EDIL3: variants seen among roughly 807,000 people sequenced by gnomAD.
EDIL3 encodes the protein EGF-like repeat and discoidin I-like domain-containing protein 3.
Under a neutral mutation model 67.4 loss-of-function variants are expected in EDIL3, and 37 were observed. The ratio of observed to expected loss-of-function variants is 0.55; its 90% confidence interval spans 0.42 to 0.72. EDIL3 has a LOEUF of 0.72. Among genes scored for constraint, EDIL3 ranks in the 30% least tolerant of loss-of-function variants. The pLI, the probability that EDIL3 is intolerant of heterozygous loss-of-function variation, is 0.00. For synonymous variants in EDIL3, 195 were observed against 196.3 expected (o/e 0.99, Z 0.05); for missense variants, 527 against 586.3 (o/e 0.90, Z 1.04).
At chr5:84,171,566 C>A (rs754146801) in intron 4 of EDIL3, among the ~76,000 whole-genome samples, 3 of 152,150 alleles carry the variant, frequency 2.0e-5, no homozygotes, top group Admixed American at 6.5e-5. Flanking sequence ...TTCTTTTAAT[C>A]ATTTTGGGGT....
chr5:84,256,099 A>G (rs193219937), intron 1 of EDIL3, among the ~76,000 whole-genome samples: 2 of 148,054 alleles, frequency 1.4e-5, no homozygotes, highest in African/African-American at 2.5e-5. Context: ...ACTTGCTATC[A>G]TTTATATACT....
intron 1 of EDIL3, among the ~76,000 whole-genome samples, chr5:84,297,650 G>A (rs899045192): frequency 1.3e-5 from 2 of 152,162 alleles, no homozygotes; most frequent in Admixed American, 6.5e-5. Flanking sequence ...AGAAGCCCCC[G>A]AGCTCTGGGA....
intron 6 of EDIL3, among the ~76,000 whole-genome samples, chr5:84,082,894 G>A (rs1292432505): frequency 1.3e-5 from 2 of 152,106 alleles, no homozygotes; most frequent in Admixed American, 6.6e-5. Context: ...AGACATATTA[G>A]GAGTAAGTTT....
At chr5:84,262,659 G>GTTTTTTTTTTTGTTTTTTTTTTT in intron 1 of EDIL3, among the ~76,000 whole-genome samples, 1 of 46,310 alleles carries the variant, frequency 2.2e-5, no homozygotes, top group Non-Finnish European at 3.6e-5. Context: ...AGGTTGGTTG[G>GTTTTTTTTTTTGTTTTTTTTTTT]TTTTTTTTTT....
intron 9 of EDIL3, among the ~76,000 whole-genome samples, chr5:84,042,993 A>G (rs928689395): frequency 3.3e-5 from 5 of 152,214 alleles, no homozygotes; most frequent in African/African-American, 1.2e-4. Context: ...CAGAGGAGGC[A>G]AAACCAAAGC....
At chr5:83,985,648 A>G (rs1745046627) in intron 9 of EDIL3, among the ~76,000 whole-genome samples, 1 of 152,044 alleles carries the variant, frequency 6.6e-6, no homozygotes, top group Non-Finnish European at 1.5e-5. Flanking sequence ...AAAATAAGTA[A>G]ATTGGCCTTG....
At chr5:84,086,435 G>A (rs1310620855) in intron 6 of EDIL3, among the ~76,000 whole-genome samples, 1 of 152,136 alleles carries the variant, frequency 6.6e-6, no homozygotes, top group African/African-American at 2.4e-5. Context: ...CGCTTTCTGG[G>A]AGAAGCGACG....
intron 9 of EDIL3, among the ~76,000 whole-genome samples, chr5:83,986,770 TAGAC>T (rs928250390): frequency 3.9e-5 from 6 of 152,016 alleles, no homozygotes; most frequent in East Asian, 3.9e-4. Flanking sequence ...TAGTAGGAGT[TAGAC>T]AGTGGAGAAA....
At chr5:83,981,179 C>T (rs1443389668) in intron 9 of EDIL3, among the ~76,000 whole-genome samples, 1 of 151,934 alleles carries the variant, frequency 6.6e-6, no homozygotes, top group Non-Finnish European at 1.5e-5. Context: ...CCCAAATAGC[C>T]AAAACAATCT....
intron 6 of EDIL3, among the ~76,000 whole-genome samples, chr5:84,105,378 C>T (rs1452120107): frequency 6.6e-6 from 1 of 151,952 alleles, no homozygotes; most frequent in Non-Finnish European, 1.5e-5. Context: ...GTTTATGAGA[C>T]ATATAAGAAT....
intron 5 of EDIL3, among the ~76,000 whole-genome samples, chr5:84,132,109 C>G (rs1358858900): frequency 2.0e-5 from 3 of 150,040 alleles, no homozygotes; most frequent in African/African-American, 7.4e-5. Flanking sequence ...GTGGCAGGCA[C>G]CTGTAATCCC....
intron 4 of EDIL3, among the ~76,000 whole-genome samples, chr5:84,151,264 T>TACACACACACACACACACAC (rs201338208): frequency 5.4e-5 from 7 of 129,500 alleles, no homozygotes; most frequent in African/African-American, 2.1e-4. Context: ...CACACGCACA[T>TACACACACACACACACACAC]ACACACACAC....
chr5:84,208,928 A>T (rs1744051824), intron 3 of EDIL3, among the ~76,000 whole-genome samples: 1 of 152,268 alleles, frequency 6.6e-6, no homozygotes, highest in Admixed American at 6.5e-5. Context: ...ATGCACATCT[A>T]TGTTTATTGC....
chr5:84,335,243 T>C (rs1746961524), intron 1 of EDIL3, among the ~76,000 whole-genome samples: 1 of 152,164 alleles, frequency 6.6e-6, no homozygotes, highest in Admixed American at 6.5e-5. Context: ...GCCTTAACAA[T>C]TTTTCAAACT....
intron 1 of EDIL3, among the ~76,000 whole-genome samples, chr5:84,268,167 C>CAAT (rs1745388887): frequency 1.3e-5 from 2 of 150,298 alleles, no homozygotes; most frequent in African/African-American, 5.0e-5. Flanking sequence ...AAATAAATAA[C>CAAT]AATAATAATT....
At chr5:84,173,963 G>T (rs1486398921) in intron 4 of EDIL3, among the ~76,000 whole-genome samples, 2 of 152,170 alleles carry the variant, frequency 1.3e-5, no homozygotes, top group Non-Finnish European at 2.9e-5. Context: ...CAAACCAAAG[G>T]TATGGTGCAC....
intron 9 of EDIL3, among the ~76,000 whole-genome samples, chr5:84,022,640 C>T (rs199529551): frequency 6.6e-6 from 1 of 151,718 alleles, no homozygotes; most frequent in Non-Finnish European, 1.5e-5. Context: ...ATAAGCCAGG[C>T]ACAGACAGAC....
intron 5 of EDIL3, among the ~76,000 whole-genome samples, chr5:84,114,886 A>G (rs1747637003): frequency 6.6e-6 from 1 of 152,178 alleles, no homozygotes; most frequent in Admixed American, 6.5e-5. Flanking sequence ...TCCAGGTTAA[A>G]TGAAGATGAA....
chr5:84,355,883 A>G (rs989354417), intron 1 of EDIL3, among the ~76,000 whole-genome samples: 4 of 152,196 alleles, frequency 2.6e-5, no homozygotes, highest in African/African-American at 9.6e-5. Context: ...AGCTGTGTCC[A>G]CAGCCACCCC....
Sources: gnomAD v4.1 joint callset for allele counts (sites outside exome capture counted in the v4.1 genomes callset) on GRCh38, gnomAD v4.1.1 for gene constraint, MANE v1.5 for transcripts, NCBI Gene and HGNC (gene_info 2026-07-23, HGNC 2026-07-21) for gene names.